The following ZNF638 variants were observed in gnomAD, a reference collection of about 807,000 sequenced individuals.
ZNF638 encodes the protein zinc finger protein 638, also known as CTCL tumor antigen se33-1.
In ZNF638, 46 loss-of-function variants were observed where a neutral mutation model predicts 195.6. That is an observed-to-expected ratio of 0.24 (90% CI 0.19 to 0.30). ZNF638 has a LOEUF of 0.30. Among genes scored for constraint, ZNF638 ranks in the 10% least tolerant of loss-of-function variants. The probability of loss-of-function intolerance (pLI) is 1.00; values close to 1 mark genes in which losing one functional copy is unlikely to be tolerated. For synonymous variants in ZNF638, 845 were observed against 772.0 expected (o/e 1.09, Z -1.57); for missense variants, 2,440 against 2,325.3 (o/e 1.05, Z -1.01).
chr2:71,350,671 G>A (rs2078924615), intron 2 of ZNF638, among the ~76,000 whole-genome samples: 2 of 152,208 alleles, frequency 1.3e-5, no homozygotes, highest in South Asian at 4.1e-4. Context: ...ACACATTTAA[G>A]AGACAGTATA....
rs1573155020 is a variant in ZNF638 at position 71,418,497 on chromosome 2, G to GA, written c.3262-105_3262-104insA. On this transcript the variant is annotated intron_variant, in intron 20 of 27. Coordinates refer to ENST00000264447, the MANE Select transcript of ZNF638 (RefSeq NM_014497.5). ...ACTAGCTGCTTTGATACATTTTTAAGGTTTTTTTTTTTGAGCTTAAATTTT... is the reference window on the plus strand; with the variant it reads ...ACTAGCTGCTTTGATACATTTTTAAGAGTTTTTTTTTTTGAGCTTAAATTTT... 7 of 703,590 alleles carry GA rather than the reference G, an allele frequency of 9.9e-6. No individual in the cohort carries two copies. In the East Asian group the frequency reaches 2.0e-4, roughly 20 times the overall value. 43.6% of individuals were successfully genotyped at this position (703,590 alleles called of 1,614,324 possible).
At chr2:71,406,333 C>A in intron 19 of ZNF638, 71 bp downstream of exon 19, 1 of 1,352,590 alleles carries the variant, frequency 7.4e-7, no homozygotes, top group Non-Finnish European at 1.0e-6. Context: ...TTCTGACAAT[C>A]TGCAACTTCT....
intron 10 of ZNF638, among the ~76,000 whole-genome samples, chr2:71,390,288 T>A (rs2079745592): frequency 6.6e-6 from 1 of 152,118 alleles, no homozygotes; most frequent in African/African-American, 2.4e-5. Context: ...GTCCACTCTC[T>A]CAGAACAGCC....
chr2:71,356,189 ACC>A (rs1372528235), intron 3 of ZNF638, among the ~76,000 whole-genome samples: 4 of 152,198 alleles, frequency 2.6e-5, no homozygotes, highest in Non-Finnish European at 5.9e-5. Context: ...CTGACTTAGA[ACC>A]AGTTTTCAGA....
Position 71,423,197 on chromosome 2 carries a change from G to C in ZNF638, c.3683G>C (p.Ser1228Thr), listed in dbSNP as rs372941347. The C allele has an allele frequency of 5.0e-6, 8 of 1,614,148 alleles. No homozygotes were observed. Among genetic ancestry groups the C allele is most frequent in the Admixed American group, 3.3e-5 (2 of 60,016 alleles). The change falls in exon 22 of 28, where the codon AGT becomes ACT. Residue 1228 changes from serine to threonine, a missense_variant. Physicochemically the swap from Ser to Thr is moderately conservative, Grantham distance 58. Transcript: ENST00000264447. ...NPKTALLPSD[S>T]VFAEERNLKG... ...AAAACAGCATTGTTACCATCTGACAGTGTGTTTGCAGAAGAAAGGAACCTC... is the reference window on the plus strand; with the variant it reads ...AAAACAGCATTGTTACCATCTGACACTGTGTTTGCAGAAGAAAGGAACCTC...
chr2:71,380,622 A>G, intron 10 of ZNF638, 57 bp downstream of exon 10: 1 of 1,414,820 alleles, frequency 7.1e-7, no homozygotes, highest in Non-Finnish European at 9.8e-7. Context: ...GTTTAGTAGA[A>G]ACTTAGATGA....
At position 71,368,441 on chromosome 2, in the gene ZNF638, G is replaced by T. The variant is rs1178376176; in HGVS notation, c.2055G>T (p.Glu685Asp). 6.2e-7 allele frequency: 1 copy of T among 1,613,440 alleles called. No homozygotes were observed. The highest frequency in any genetic ancestry group is 1.1e-5 in the South Asian group (1 of 91,038). Residue 685 changes from glutamate to aspartate, a missense_variant, in exon 7 of 28, where the codon GAG becomes GAT. Glu to Asp is a conservative substitution (Grantham distance 45). Around this residue, in one of 5 missense-constraint regions of ZNF638, gnomAD observed 1,883 missense variants for 1,739.1 expected, o/e 1.08. Coordinates refer to ENST00000264447, the MANE Select transcript of ZNF638 (RefSeq NM_014497.5). Reference sequence around the variant, plus strand: ...TTCTTCTTATAACTGAATTACCAGAGGATGGTTGTACTGAAGAAGATGTGA... The same window carrying T: ...TTCTTCTTATAACTGAATTACCAGATGATGGTTGTACTGAAGAAGATGTGA... ...GSVLLITELP[E>D]DGCTEEDVRK...
At chr2:71,426,298 G>A (rs1207970795) in intron 23 of ZNF638, among the ~76,000 whole-genome samples, 162 bp from the exon 24 acceptor site, 1 of 152,128 alleles carries the variant, frequency 6.6e-6, no homozygotes, top group Admixed American at 6.5e-5. Context: ...TAAGTCATTT[G>A]TGGGGCTTTA....
intron 19 of ZNF638, 191 bp from the exon 20 acceptor site, chr2:71,407,927 TGGAC>T: frequency 4.3e-6 from 2 of 467,436 alleles, no homozygotes; most frequent in South Asian, 3.9e-5. Context: ...CATCCATTGA[TGGAC>T]AGTTGGGTTG....
At position 71,339,298 on chromosome 2, in the gene ZNF638, G is replaced by A. The variant is rs376315390; in HGVS notation, c.-203+7423G>A. Among the ~76,000 whole-genome samples, 32 of 151,922 alleles carry A rather than the reference G, an allele frequency of 2.1e-4. 1 individual carries two copies. Among genetic ancestry groups the A allele is most frequent in the Middle Eastern group, 3.4e-3 (1 of 294 alleles). ...CTCCTGAGTGGCTGGGATTACAGGC[G>A]CCTGCCAGCACACCCGGCTAATTTT... On this transcript the variant is annotated intron_variant, in intron 1 of 27. Coordinates refer to ENST00000264447, the MANE Select transcript of ZNF638 (RefSeq NM_014497.5).
At chr2:71,386,152 A>C (rs980084761) in intron 10 of ZNF638, among the ~76,000 whole-genome samples, 1 of 152,148 alleles carries the variant, frequency 6.6e-6, no homozygotes, top group Non-Finnish European at 1.5e-5. Context: ...GAAATTAAGA[A>C]GTTATCTGGG....
At chr2:71,365,320 TCTGTGTGCTCC>T (rs2079178223) in intron 5 of ZNF638, 98 bp from the exon 6 acceptor site, 5 of 868,488 alleles carry the variant, frequency 5.8e-6, no homozygotes, top group Non-Finnish European at 8.5e-6. Flanking sequence ...TTTTGTATTG[TCTGTGTGCTCC>T]CTGTTTAGCT....
intron 8 of ZNF638, among the ~76,000 whole-genome samples, chr2:71,373,633 T>C (rs1007966663): frequency 5.3e-5 from 8 of 150,666 alleles, no homozygotes; most frequent in African/African-American, 1.7e-4. Context: ...TTAGCCAGGA[T>C]GGTCTTGATC....
At position 71,434,769 on chromosome 2, in the gene ZNF638, A is replaced by G. The variant is rs769783307; in HGVS notation, c.5899A>G (p.Lys1967Glu). 1.9e-6 allele frequency: 3 copies of G among 1,612,346 alleles called. No individual in the cohort carries two copies. Among genetic ancestry groups the G allele is most frequent in the African/African-American group, 2.7e-5 (2 of 74,870 alleles). ...ATTCATGGCCAAGCAAAGAAAGGAAAAGGAGCAGAATGAGGCTGAAGAAAG... is the reference window on the plus strand; with the variant it reads ...ATTCATGGCCAAGCAAAGAAAGGAAGAGGAGCAGAATGAGGCTGAAGAAAG... ...EKFMAKQRKEKEQNEAEERSS... is the reference protein window; with the variant it reads ...EKFMAKQRKEEEQNEAEERSS... The change falls in exon 28 of 28, where the codon AAG becomes GAG. Residue 1967 changes from lysine (K) to glutamate (E), a missense_variant. By Grantham distance (56) the Lys-to-Glu change is moderately conservative (BLOSUM62 1). This residue lies in a region of ZNF638 where 1,883 missense variants were observed against 1,739.1 expected (regional missense o/e 1.08). Transcript: ENST00000264447.
chr2:71,376,137 A>G (rs1042332267), intron 8 of ZNF638: 3 of 152,240 alleles, frequency 2.0e-5, no homozygotes, highest in African/African-American at 7.2e-5. Context: ...GAGCCCAGGC[A>G]TATTTACTGT....
intron 2 of ZNF638, among the ~76,000 whole-genome samples, chr2:71,354,565 GTC>G (rs933516027): frequency 1.3e-5 from 2 of 151,968 alleles, no homozygotes; most frequent in African/African-American, 4.8e-5. Flanking sequence ...GTGAAACCCT[GTC>G]TCTATTAAAA....
At chr2:71,371,458 C>T (rs2079311143) in intron 8 of ZNF638, among the ~76,000 whole-genome samples, 1 of 152,104 alleles carries the variant, frequency 6.6e-6, no homozygotes, top group Admixed American at 6.6e-5. Context: ...TTTACGTTCC[C>T]ACCAACAATA....
At chr2:71,412,072 A>AC (rs2080240220) in intron 20 of ZNF638, among the ~76,000 whole-genome samples, 1 of 111,498 alleles carries the variant, frequency 9.0e-6, no homozygotes, top group African/African-American at 3.7e-5. Context: ...CAATGGTTGA[A>AC]CTAGTTTACA....
intron 13 of ZNF638, 99 bp downstream of exon 13, chr2:71,399,744 C>T (rs2079968121): frequency 3.3e-6 from 3 of 905,614 alleles, no homozygotes; most frequent in Non-Finnish European, 5.2e-6. Context: ...CATAGGTAAA[C>T]GTGTCATGGG....
Sources: allele counts gnomAD v4.1 joint callset (sites outside exome capture counted in the v4.1 genomes callset), GRCh38; gene constraint gnomAD v4.1.1; regional missense constraint gnomAD v4.1.1; transcripts MANE v1.5; gene names NCBI Gene and HGNC (gene_info 2026-07-23, HGNC 2026-07-21).